XIRP2: variants seen among roughly 807,000 people sequenced by gnomAD.
XIRP2 encodes xin actin-binding repeat-containing protein 2.
A neutral mutation model predicts 277.0 loss-of-function variants in XIRP2; 236 were observed. That is an observed-to-expected ratio of 0.85 (90% CI 0.77 to 0.95). The LOEUF (loss-of-function observed/expected upper bound fraction) is 0.95, where lower values mean the gene tolerates loss of function less well. Among genes scored for constraint, XIRP2 ranks in the 40% least tolerant of loss-of-function variants. The pLI, the probability that XIRP2 is intolerant of heterozygous loss-of-function variation, is 0.00. For missense variants in XIRP2, 4,640 were observed against 4,157.5 expected (o/e 1.12, Z -3.19); for synonymous variants, 1,490 against 1,416.5 (o/e 1.05, Z -1.17).
At chr2:167,026,873 C>T (rs943555846) in intron 2 of XIRP2, among the ~76,000 whole-genome samples, 10 of 152,016 alleles carry the variant, frequency 6.6e-5, no homozygotes, top group South Asian at 2.1e-4. Flanking sequence ...TGCCGAGATC[C>T]GCTGTTATTC....
chr2:167,207,172 T>C (rs1272453409), intron 3 of XIRP2, among the ~76,000 whole-genome samples: 1 of 152,234 alleles, frequency 6.6e-6, no homozygotes, highest in East Asian at 1.9e-4. Flanking sequence ...CTTCTTAATG[T>C]TGTAAGAACA....
intron 3 of XIRP2, among the ~76,000 whole-genome samples, chr2:167,196,344 G>A (rs906088913): frequency 4.6e-5 from 7 of 151,438 alleles, no homozygotes; most frequent in African/African-American, 1.7e-4. Flanking sequence ...GAGTGTGTGT[G>A]GTAAGACAAA....
chr2:167,136,540 A>G (rs991063569), intron 3 of XIRP2, among the ~76,000 whole-genome samples: 12 of 152,336 alleles, frequency 7.9e-5, no homozygotes, highest in Middle Eastern at 6.8e-3. Context: ...GTGACATAAG[A>G]GTGTTACATT....
chr2:166,942,407 C>T (rs1189723361), intron 2 of XIRP2, among the ~76,000 whole-genome samples: 3 of 152,114 alleles, frequency 2.0e-5, no homozygotes, highest in African/African-American at 7.2e-5. Flanking sequence ...CTTCAATAGG[C>T]CCAAAATACA....
intron 2 of XIRP2, among the ~76,000 whole-genome samples, chr2:166,949,160 T>C (rs1367125720): frequency 2.0e-5 from 3 of 152,066 alleles, no homozygotes; most frequent in Non-Finnish European, 4.4e-5. Context: ...ATCATATTGA[T>C]AAATCAAGAA....
intron 2 of XIRP2, among the ~76,000 whole-genome samples, chr2:167,068,607 C>T (rs886136692): frequency 2.0e-5 from 3 of 148,018 alleles, no homozygotes; most frequent in African/African-American, 7.4e-5. Context: ...TTTTTCTTTG[C>T]TTTTTTTTTT....
chr2:166,995,446 T>C (rs1687196054), intron 2 of XIRP2, among the ~76,000 whole-genome samples: 1 of 152,202 alleles, frequency 6.6e-6, no homozygotes, highest in African/African-American at 2.4e-5. Context: ...TTAGGGCTGA[T>C]GATCAGTTAT....
chr2:167,178,902 T>C (rs1272992186), intron 3 of XIRP2, among the ~76,000 whole-genome samples: 2 of 152,192 alleles, frequency 1.3e-5, no homozygotes, highest in African/African-American at 4.8e-5. Context: ...TCAATAAACA[T>C]TTGAAAACTT....
chr2:167,191,919 A>G (rs1353842617), intron 3 of XIRP2, among the ~76,000 whole-genome samples: 1 of 152,210 alleles, frequency 6.6e-6, no homozygotes, highest in Non-Finnish European at 1.5e-5. Flanking sequence ...AAAAGAGTTT[A>G]TTGTGGGAAG....
At chr2:167,157,937 A>G (rs1367635807) in intron 3 of XIRP2, among the ~76,000 whole-genome samples, 3 of 152,170 alleles carry the variant, frequency 2.0e-5, no homozygotes, top group Non-Finnish European at 4.4e-5. Flanking sequence ...GAGTGAAAAA[A>G]AAGTCTATGA....
At chr2:167,033,672 C>T (rs889929803) in intron 2 of XIRP2, among the ~76,000 whole-genome samples, 1 of 151,918 alleles carries the variant, frequency 6.6e-6, no homozygotes, top group Non-Finnish European at 1.5e-5. Context: ...AGCTCCAATA[C>T]ATCTGGCAGC....
intron 2 of XIRP2, among the ~76,000 whole-genome samples, chr2:167,095,481 A>G (rs2105280107): frequency 6.6e-6 from 1 of 152,290 alleles, no homozygotes; most frequent in African/African-American, 2.4e-5. Context: ...ATTTTGAGAT[A>G]CATTTCATCA....
At chr2:167,017,443 CA>C (rs1217924953) in intron 2 of XIRP2, among the ~76,000 whole-genome samples, 1 of 152,006 alleles carries the variant, frequency 6.6e-6, no homozygotes, top group Non-Finnish European at 1.5e-5. Flanking sequence ...TCACACTCAT[CA>C]GTCAGTTACC....
At chr2:167,160,172 A>AT (rs1384721155) in intron 3 of XIRP2, among the ~76,000 whole-genome samples, 1 of 152,236 alleles carries the variant, frequency 6.6e-6, no homozygotes, top group Non-Finnish European at 1.5e-5. Context: ...TCATAAAAAA[A>AT]AATTTTAATG....
intron 3 of XIRP2, among the ~76,000 whole-genome samples, chr2:167,183,562 G>GTAA (rs1319561091): frequency 6.6e-6 from 1 of 151,896 alleles, no homozygotes; most frequent in Non-Finnish European, 1.5e-5. Flanking sequence ...TTCTGGTATT[G>GTAA]TATTTCTCAA....
intron 5 of XIRP2, among the ~76,000 whole-genome samples, chr2:167,236,327 G>A (rs1167255441): frequency 1.3e-5 from 2 of 151,890 alleles, no homozygotes; most frequent in African/African-American, 4.8e-5. Context: ...AATTTACAAT[G>A]TCTTTCCCTA....
intron 2 of XIRP2, among the ~76,000 whole-genome samples, chr2:167,074,713 C>T (rs757850053): frequency 8.6e-5 from 13 of 151,908 alleles, no homozygotes; most frequent in South Asian, 2.1e-4. Flanking sequence ...AATCCCGGCT[C>T]ACTGCAACTT....
chr2:167,136,127 A>G, intron 3 of XIRP2, 65 bp downstream of exon 3: 1 of 1,408,792 alleles, frequency 7.1e-7, no homozygotes, highest in Non-Finnish European at 9.3e-7. Context: ...TGGTTAATAA[A>G]TAAAATATAT....
chr2:166,903,836 G>C lies in XIRP2; in HGVS notation c.354G>C (p.Arg118Ser), dbSNP rs1205209434. Residue 118 changes from arginine to serine, a missense_variant, in exon 2 of 11, where the codon AGG becomes AGC. Arg to Ser is a moderately radical substitution (Grantham distance 110, BLOSUM62 -1). Transcript: ENST00000409195. ...TTTCCATTGCCCTTGATGAGCTGAG[G>C]AGTGTGTTTGAGGCTCCTAAGAGTG... ...ERFSIALDEL[R>S]SVFEAPKSGN... The C allele has an allele frequency of 1.9e-6, 3 of 1,613,574 alleles. No individual in the cohort carries two copies. Among genetic ancestry groups the C allele is most frequent in the Non-Finnish European group, 2.5e-6 (3 of 1,179,750 alleles).
Sources: gnomAD v4.1 joint callset for allele counts (sites outside exome capture counted in the v4.1 genomes callset) on GRCh38, gnomAD v4.1.1 for gene constraint, MANE v1.5 for transcripts, NCBI Gene and HGNC (gene_info 2026-07-23, HGNC 2026-07-21) for gene names.